Variants in ZDHHC13 observed in about 807,000 individuals in gnomAD.
ZDHHC13 encodes the protein zDHHC palmitoyltransferase 13, also known as palmitoyltransferase ZDHHC13.
Under a neutral mutation model 86.0 loss-of-function variants are expected in ZDHHC13, and 85 were observed. That is an observed-to-expected ratio of 0.99 (90% confidence interval 0.83 to 1.18). The LOEUF (loss-of-function observed/expected upper bound fraction) is 1.18, where lower values mean the gene tolerates loss of function less well. ZDHHC13 is among the 50% of genes most tolerant of loss of function. The probability of loss-of-function intolerance (pLI) is 0.00; values close to 1 mark genes in which losing one functional copy is unlikely to be tolerated. For missense variants in ZDHHC13, 711 were observed against 730.2 expected, an observed-to-expected ratio of 0.97 and a Z score of 0.30; for synonymous variants, 263 against 246.4, an observed-to-expected ratio of 1.07 and a Z score of -0.63.
In ZDHHC13 at chr11:19,117,365, G is replaced by A; in HGVS notation, c.27+89G>A. The A allele has an allele frequency of 2.3e-6, 3 of 1,305,220 alleles. No individual in the cohort carries two copies. The highest frequency in any genetic ancestry group is 1.6e-5 in the African/African-American group (1 of 64,322). The allele number at this position is 1,305,220 out of a possible 1,614,324, so 80.9% of individuals were successfully genotyped here. A position where few individuals can be genotyped will look rare whatever the true frequency, so the allele number is the denominator to read the frequency against. On this transcript the variant is annotated intron_variant, in intron 1 of 16. Coordinates refer to ENST00000446113, the MANE Select transcript of ZDHHC13 (RefSeq NM_019028.3). This position sits in a 1 kb window ranked among gnomAD's most constrained non-coding sequence, Gnocchi z 4.2. ...GGATGGTGTGGGTGAGAGGCCGCTC[G>A]ATGAGGGGGTTTCGGGAGCGGCGGG...
chr11:19,138,725 G>A (rs1016957207), intron 1 of ZDHHC13, among the ~76,000 whole-genome samples: 1 of 151,542 alleles, frequency 6.6e-6, no homozygotes, highest in Non-Finnish European at 1.5e-5. Context: ...ATGATCAAGT[G>A]GGCTTCATAC....
At chr11:19,174,129 GTC>G (rs1451383149) in intron 16 of ZDHHC13, among the ~76,000 whole-genome samples, 4 of 152,150 alleles carry the variant, frequency 2.6e-5, no homozygotes, top group African/African-American at 9.7e-5. Flanking sequence ...TGTTATTTCA[GTC>G]TGATAACCCA....
intron 1 of ZDHHC13, among the ~76,000 whole-genome samples, chr11:19,123,761 G>C (rs1262767176): frequency 6.6e-6 from 1 of 151,998 alleles, no homozygotes; most frequent in Non-Finnish European, 1.5e-5. Flanking sequence ...GAGAAAATAT[G>C]GAGAGCCAGT....
chr11:19,156,053 C>A, intron 9 of ZDHHC13, 124 bp downstream of exon 9: 2 of 1,214,800 alleles, frequency 1.6e-6, no homozygotes, highest in South Asian at 1.8e-5. Context: ...CATATAACAG[C>A]ATCCTGCGGG....
At chr11:19,146,155 T>A (rs1487337419) in intron 2 of ZDHHC13, 26 bp from the exon 3 acceptor site, 4 of 1,542,874 alleles carry the variant, frequency 2.6e-6, no homozygotes, top group Non-Finnish European at 3.5e-6. Flanking sequence ...ATTGTATCAA[T>A]TATGCTTTTT....
At chr11:19,160,935 A>C (rs1316279777) in intron 10 of ZDHHC13, among the ~76,000 whole-genome samples, 2 of 151,984 alleles carry the variant, frequency 1.3e-5, no homozygotes, top group African/African-American at 4.8e-5. Flanking sequence ...CAGAATCTTA[A>C]GATGTTGGAA....
At chr11:19,134,256 G>A (rs1208426242) in intron 1 of ZDHHC13, among the ~76,000 whole-genome samples, 1 of 152,078 alleles carries the variant, frequency 6.6e-6, no homozygotes, top group Non-Finnish European at 1.5e-5. Context: ...AGTACTTTGG[G>A]AAACAGAGGC....
At chr11:19,136,192 G>A (rs1260317161) in intron 1 of ZDHHC13, among the ~76,000 whole-genome samples, 3 of 152,176 alleles carry the variant, frequency 2.0e-5, no homozygotes, top group Non-Finnish European at 2.9e-5. Flanking sequence ...TTAGAAGAAT[G>A]TATGACTAGA....
chr11:19,168,992 T>C (rs1393673744), intron 14 of ZDHHC13: 2 of 985,340 alleles, frequency 2.0e-6, no homozygotes, highest in Non-Finnish European at 2.4e-6. Flanking sequence ...CATTAGCCAC[T>C]GGCCAGCTGA....
intron 8 of ZDHHC13, among the ~76,000 whole-genome samples, chr11:19,154,604 T>C (rs1849706570): frequency 6.6e-6 from 1 of 152,200 alleles, no homozygotes; most frequent in South Asian, 2.1e-4. Context: ...AGTCAGACCA[T>C]TGTTTCATAG....
intron 1 of ZDHHC13, among the ~76,000 whole-genome samples, chr11:19,123,269 A>G (rs964037020): frequency 3.3e-5 from 5 of 152,196 alleles, no homozygotes. Context: ...TTAAAATAGT[A>G]TAAGAAGCAA....
chr11:19,164,217 C>T (rs769635129), intron 11 of ZDHHC13, 84 bp from the exon 12 acceptor site: 64 of 1,383,346 alleles, frequency 4.6e-5, no homozygotes, highest in South Asian at 1.9e-4. Flanking sequence ...CAGTTTGGAG[C>T]GAGAACTGTG....
At chr11:19,131,071 T>G (rs1399110212) in intron 1 of ZDHHC13, among the ~76,000 whole-genome samples, 1 of 152,126 alleles carries the variant, frequency 6.6e-6, no homozygotes. Flanking sequence ...CAGGCTGGAG[T>G]GCAGTGGCGC....
intron 14 of ZDHHC13, chr11:19,167,562 T>C (rs956914925): frequency 1.3e-5 from 2 of 152,164 alleles, no homozygotes; most frequent in African/African-American, 4.8e-5. Context: ...TAATGAGTTA[T>C]TTTTTGCCCT....
intron 1 of ZDHHC13, among the ~76,000 whole-genome samples, chr11:19,131,130 T>C (rs1315371392): frequency 6.6e-6 from 1 of 152,188 alleles, no homozygotes; most frequent in Non-Finnish European, 1.5e-5. Context: ...GCCATTCTCC[T>C]GCCTCAGCCT....
chr11:19,150,700 T>C lies in ZDHHC13; in HGVS notation c.520-27T>C, dbSNP rs550568163. On this transcript the variant is annotated intron_variant, in intron 5 of 16. Transcript: ENST00000446113. ...ATAGACTTTTGAGTGTATTTACAGT[T>C]ATGCTAATTGTCTTCTTTTTGAATA... 1.4e-5 allele frequency: 22 copies of C among 1,590,238 alleles called. No individual in the cohort carries two copies. In the African/African-American group the frequency reaches 2.5e-4, roughly 18 times the overall value.
intron 10 of ZDHHC13, among the ~76,000 whole-genome samples, chr11:19,159,603 A>T (rs952636611): frequency 6.6e-6 from 1 of 152,034 alleles, no homozygotes; most frequent in Admixed American, 6.6e-5. Context: ...TTTCCTTTTT[A>T]AAAAATTTTA....
intron 1 of ZDHHC13, among the ~76,000 whole-genome samples, chr11:19,140,137 C>A (rs1248163493): frequency 2.8e-4 from 41 of 147,614 alleles, no homozygotes; most frequent in African/African-American, 8.4e-4. Flanking sequence ...CAACCTACAA[C>A]ATGGGAGAAA....
chr11:19,144,634 C>T (rs567010667), intron 2 of ZDHHC13, among the ~76,000 whole-genome samples: 252 of 152,214 alleles, frequency 1.7e-3, no homozygotes, highest in Non-Finnish European at 2.9e-3. Flanking sequence ...AAAAGACACA[C>T]ACACGCACAC....
Sources: allele counts gnomAD v4.1 joint callset (sites outside exome capture counted in the v4.1 genomes callset), GRCh38; gene constraint gnomAD v4.1.1; non-coding constraint Gnocchi (gnomAD v3.1); transcripts MANE v1.5; gene names NCBI Gene and HGNC (gene_info 2026-07-23, HGNC 2026-07-21).